CTTNBP2: variants seen among roughly 807,000 people sequenced by gnomAD.
CTTNBP2 encodes cortactin-binding protein 2.
Under a neutral mutation model 156.9 loss-of-function variants are expected in CTTNBP2, and 108 were observed. The ratio of observed to expected loss-of-function variants is 0.69; its 90% CI spans 0.59 to 0.81. The LOEUF (loss-of-function observed/expected upper bound fraction) is 0.81. Among genes scored for constraint, CTTNBP2 ranks in the 30% least tolerant of loss-of-function variants. The pLI is 0.00. For missense variants in CTTNBP2, 1,924 were observed against 2,035.4 expected (o/e 0.95, Z 1.05); for synonymous variants, 767 against 751.8 (o/e 1.02, Z -0.33).
chr7:117,773,708 C>CACACACACA (rs58947775), intron 8 of CTTNBP2, among the ~76,000 whole-genome samples: 6 of 131,034 alleles, frequency 4.6e-5, no homozygotes, highest in Non-Finnish European at 6.5e-5. Context: ...CACACACACA[C>CACACACACA]CCCAAAAAAC....
chr7:117,835,925 A>AATAATACCTAATATTT, intron 2 of CTTNBP2, among the ~76,000 whole-genome samples: 1 of 152,338 alleles, frequency 6.6e-6, no homozygotes, highest in South Asian at 2.1e-4. Flanking sequence ...ACCTAATATT[A>AATAATACCTAATATTT]GTAATAATAC....
rs779773791 is a variant in CTTNBP2 at position 117,777,749 on chromosome 7, A to C, written c.2540T>G (p.Val847Gly). Residue 847 changes from valine to glycine, a missense_variant, in exon 8 of 23, where the codon GTT becomes GGT. Coordinates refer to ENST00000160373, the MANE Select transcript of CTTNBP2 (RefSeq NM_033427.3). ...ATTACCAGTGTCCACAGCTGCGTGAACTGGTGTCCAGCCATCCTGAAAATA... is the reference window on the plus strand; with the variant it reads ...ATTACCAGTGTCCACAGCTGCGTGACCTGGTGTCCAGCCATCCTGAAAATA... ...SVKTTDGWTP[V>G]HAAVDTGNVD... is the part of the protein sequence containing the mutation. 4 of 1,608,804 alleles carry C rather than the reference A, an allele frequency of 2.5e-6. No homozygotes were observed. In the South Asian group the frequency reaches 4.4e-5, roughly 18 times the overall value.
chr7:117,779,519 G>T (rs1244655376), intron 7 of CTTNBP2, among the ~76,000 whole-genome samples: 1 of 150,924 alleles, frequency 6.6e-6, no homozygotes, highest in African/African-American at 2.5e-5. Flanking sequence ...TTTTCATTCA[G>T]CCCTGTGATA....
At chr7:117,802,218 A>G (rs1284343739) in intron 3 of CTTNBP2, among the ~76,000 whole-genome samples, 1 of 151,922 alleles carries the variant, frequency 6.6e-6, no homozygotes, top group Non-Finnish European at 1.5e-5. Context: ...GGAAAATTAC[A>G]ATTATATAAG....
In CTTNBP2 at chr7:117,726,635, T is replaced by C. The variant is rs1013150903; in HGVS notation, c.4056-1378A>G. On this transcript the variant is annotated intron_variant, in intron 17 of 22. Transcript: ENST00000160373. ...TCTCCTTCAGGATCAGAGGGCAGAA[T>C]TGTTTCCTGATCAGGATAATAAAAA... 7.2e-5 allele frequency among the ~76,000 whole-genome samples: 11 copies of C among 152,304 alleles called. No individual in the cohort carries two copies. The South Asian group carries it at 1.7e-3, about 23-fold the overall frequency.
intron 1 of CTTNBP2, among the ~76,000 whole-genome samples, chr7:117,862,204 C>A (rs1332103435): frequency 6.6e-6 from 1 of 151,952 alleles, no homozygotes; most frequent in Non-Finnish European, 1.5e-5. Flanking sequence ...CTTATGAATG[C>A]CTCTGTAGCT....
intron 1 of CTTNBP2, among the ~76,000 whole-genome samples, chr7:117,871,000 ACACT>A (rs1425977764): frequency 1.3e-5 from 2 of 152,238 alleles, no homozygotes; most frequent in Non-Finnish European, 2.9e-5. Flanking sequence ...CTTAGTGAAA[ACACT>A]CACTTTCAAA....
At chr7:117,860,077 C>T (rs1016917159) in intron 2 of CTTNBP2, among the ~76,000 whole-genome samples, 10 of 152,272 alleles carry the variant, frequency 6.6e-5, no homozygotes, top group African/African-American at 1.9e-4. Flanking sequence ...TTCATATGTA[C>T]ATTAAATTAG....
At chr7:117,856,611 G>A (rs958864812) in intron 2 of CTTNBP2, among the ~76,000 whole-genome samples, 8 of 152,092 alleles carry the variant, frequency 5.3e-5, no homozygotes, top group African/African-American at 1.9e-4. Flanking sequence ...ATAATTTAAA[G>A]TCTAGATTAT....
intron 14 of CTTNBP2, among the ~76,000 whole-genome samples, chr7:117,735,799 A>G (rs1408793522): frequency 6.6e-6 from 1 of 152,258 alleles, no homozygotes; most frequent in East Asian, 1.9e-4. Context: ...AAAAGATTAT[A>G]TACAATGTGA....
intron 3 of CTTNBP2, chr7:117,793,276 T>C (rs1335888021): frequency 6.6e-6 from 1 of 152,246 alleles, no homozygotes; most frequent in Non-Finnish European, 1.5e-5. Flanking sequence ...TAATGTAACA[T>C]CTTTGAGCTT....
In CTTNBP2 at chr7:117,757,905, T is replaced by C; in HGVS notation, c.3238A>G (p.Lys1080Glu). 1 of 1,613,270 alleles carries C rather than the reference T, an allele frequency of 6.2e-7. No homozygotes were observed. The highest frequency in any genetic ancestry group is 8.5e-7 in the Non-Finnish European group (1 of 1,179,606). ...AAAAGCACAGTGATGTGCTCTGCCT[T>C]ATTCTTCCTCATAAAGTCCCACGGG... ...QSPWDFMRKN[K>E]AEHITVLLSG... The change falls in exon 11 of 23, where the codon AAG (lysine) becomes GAG (glutamate). Residue 1080 changes from lysine to glutamate, a missense_variant. By Grantham distance (56) the Lys-to-Glu change is moderately conservative. Coordinates refer to ENST00000160373, the MANE Select transcript of CTTNBP2 (RefSeq NM_033427.3).
chr7:117,870,199 T>C (rs1277145668), intron 1 of CTTNBP2, among the ~76,000 whole-genome samples: 2 of 152,228 alleles, frequency 1.3e-5, no homozygotes, highest in East Asian at 1.9e-4. Context: ...ATCACTGGAA[T>C]GTATTACTTT....
chr7:117,731,026 G>T (rs1203206254), intron 16 of CTTNBP2, among the ~76,000 whole-genome samples: 1 of 152,088 alleles, frequency 6.6e-6, no homozygotes, highest in African/African-American at 2.4e-5. Flanking sequence ...TTAAGAAGGG[G>T]TAAGAGAATT....
At chr7:117,736,369 T>C (rs182971356) in intron 14 of CTTNBP2, among the ~76,000 whole-genome samples, 67 of 151,884 alleles carry the variant, frequency 4.4e-4, no homozygotes, top group African/African-American at 1.6e-3. Context: ...GGTGAGAGGA[T>C]CACCTGAGCC....
intron 2 of CTTNBP2, among the ~76,000 whole-genome samples, chr7:117,855,611 C>T (rs528641757): frequency 3.3e-5 from 5 of 152,196 alleles, no homozygotes; most frequent in Admixed American, 3.3e-4. Context: ...GACAGCTCCC[C>T]CCAAACAGCA....
intron 10 of CTTNBP2, 160 bp from the exon 11 acceptor site, chr7:117,758,130 C>A: frequency 3.5e-6 from 2 of 568,590 alleles, no homozygotes. Context: ...AAGGGGTTAG[C>A]TCCCTAATGA....
intron 21 of CTTNBP2, among the ~76,000 whole-genome samples, chr7:117,719,043 C>T (rs1206099441): frequency 5.3e-5 from 8 of 151,874 alleles, no homozygotes; most frequent in Non-Finnish European, 1.2e-4. Flanking sequence ...CTAAAAAGTC[C>T]AAAAATTAGC....
chr7:117,734,149 C>G (rs534905039), intron 16 of CTTNBP2, among the ~76,000 whole-genome samples: 1 of 152,162 alleles, frequency 6.6e-6, no homozygotes, highest in African/African-American at 2.4e-5. Flanking sequence ...TGGACACCTA[C>G]CACAAGATAT....
Sources: gnomAD v4.1 joint callset for allele counts (sites outside exome capture counted in the v4.1 genomes callset) on GRCh38, gnomAD v4.1.1 for gene constraint, MANE v1.5 for transcripts, NCBI Gene and HGNC (gene_info 2026-07-23, HGNC 2026-07-21) for gene names.